SLC11A2: variants seen among roughly 807,000 people sequenced by gnomAD.
SLC11A2 encodes natural resistance-associated macrophage protein 2.
A neutral mutation model predicts 68.0 loss-of-function variants in SLC11A2; 38 were observed. The ratio of observed to expected loss-of-function variants is 0.56; its 90% CI spans 0.43 to 0.73. The LOEUF (loss-of-function observed/expected upper bound fraction) is 0.73. Among genes scored for constraint, SLC11A2 ranks in the 30% least tolerant of loss-of-function variants. The pLI, the probability that SLC11A2 is intolerant of heterozygous loss-of-function variation, is 0.00. For synonymous variants in SLC11A2, 242 were observed against 250.6 expected (o/e 0.97, Z 0.32); for missense variants, 517 against 690.5 (o/e 0.75, Z 2.82).
At chr12:51,006,928 G>A (rs532961317) in intron 3 of SLC11A2, among the ~76,000 whole-genome samples, 1 of 151,676 alleles carries the variant, frequency 6.6e-6, no homozygotes, top group South Asian at 2.1e-4. Context: ...TTTTTACTTG[G>A]AGACAAGGTC....
chr12:50,968,709 T>C, the SLC11A2 span, among the ~76,000 whole-genome samples: 9 of 151,890 alleles, frequency 5.9e-5, no homozygotes, highest in Admixed American at 1.3e-4. Context: ...ACCTGGCTAA[T>C]TTTTGTATTT....
In SLC11A2 at chr12:51,005,275, G is replaced by A. The variant is rs17216079; in HGVS notation, c.309+36C>T. 3.8e-4 allele frequency: 619 copies of A among 1,610,600 alleles called. 2 individuals are homozygous for A. The African/African-American group carries it at 7.5e-3, about 20-fold the overall frequency. ...AGAAAAGGATGTGAGAGTGTATTATGTGCTTAAAAGGACAGGGGTAGGACT... is the reference window on the plus strand; with the variant it reads ...AGAAAAGGATGTGAGAGTGTATTATATGCTTAAAAGGACAGGGGTAGGACT... On this transcript the variant is annotated intron_variant, in intron 4 of 15. Coordinates refer to ENST00000262052, the MANE Select transcript of SLC11A2 (RefSeq NM_000617.3).
chr12:50,964,271 A>T, the SLC11A2 span, among the ~76,000 whole-genome samples: 7 of 152,184 alleles, frequency 4.6e-5, no homozygotes, highest in African/African-American at 1.7e-4. Flanking sequence ...ATCTATATTC[A>T]TCCACTACAC....
chr12:50,959,589 C>T, the SLC11A2 span, among the ~76,000 whole-genome samples: 1 of 151,970 alleles, frequency 6.6e-6, no homozygotes. Flanking sequence ...ATAAGTTATA[C>T]TTATGGCATT....
the SLC11A2 span, among the ~76,000 whole-genome samples, chr12:50,963,549 GC>G: frequency 6.6e-6 from 1 of 151,982 alleles, no homozygotes; most frequent in South Asian, 2.1e-4. Flanking sequence ...AAATGCCAAT[GC>G]CTTTCATCCT....
At chr12:50,988,569 G>T in intron 15 of SLC11A2, 134 bp from the exon 16 acceptor site, 2 of 1,427,918 alleles carry the variant, frequency 1.4e-6, no homozygotes, top group Non-Finnish European at 9.5e-7. Context: ...ACCAAGGGTT[G>T]CACAAGTCAT....
In SLC11A2 at chr12:50,986,232, A is replaced by G. The variant is rs1940537745; in HGVS notation, c.*2093T>C. 7.8e-7 allele frequency: 1 copy of G among 1,283,512 alleles called. No homozygotes were observed. Among genetic ancestry groups the G allele is most frequent in the African/African-American group, 1.5e-5 (1 of 65,740 alleles). 79.5% of individuals were successfully genotyped at this position (1,283,512 alleles called of 1,614,324 possible). ...AATTGTATATCCTTAAACATTCCAC[A>G]TAAACACACTGTCAAAACTCACTGG... is the stretch of plus-strand genomic sequence containing the variant. On this transcript the variant is annotated 3_prime_UTR_variant, in exon 16 of 16. Transcript: ENST00000262052.
chr12:50,987,741 A>G lies in SLC11A2; in HGVS notation c.*584T>C. ...TTCTCACCCCTCTTAACTTCCACTGAGAAATTAAAGTGGAAATAAGTTCAA... is the reference window on the plus strand; with the variant it reads ...TTCTCACCCCTCTTAACTTCCACTGGGAAATTAAAGTGGAAATAAGTTCAA... On this transcript the variant is annotated 3_prime_UTR_variant, in exon 16 of 16. Transcript: ENST00000262052. The G allele has an allele frequency of 7.8e-7, 1 of 1,287,134 alleles. No homozygotes were observed. The highest frequency in any genetic ancestry group is 1.0e-6 in the Non-Finnish European group (1 of 988,652). 79.7% of individuals were successfully genotyped at this position (1,287,134 alleles called of 1,614,324 possible).
downstream of SLC11A2, among the ~76,000 whole-genome samples, chr12:50,975,612 C>G (rs1939837854): frequency 6.6e-6 from 1 of 151,950 alleles, no homozygotes; most frequent in Non-Finnish European, 1.5e-5. Context: ...CATTCAAAAG[C>G]TAGCAGAAGG....
chr12:50,999,462 A>G lies in SLC11A2; in HGVS notation c.537-47T>C, dbSNP rs2136237696. The G allele has an allele frequency of 3.6e-6, 5 of 1,389,372 alleles. No homozygotes were observed. The East Asian group carries it at 1.1e-4, about 32-fold the overall frequency. The allele number at this position is 1,389,372 out of a possible 1,614,324, so 86.1% of individuals were successfully genotyped here. The stretch of plus-strand genomic sequence containing the variant: ...GAAGTCAGAGAGACGGAAAGAAAGG[A>G]AACATTGAAAAACACTCTCTTCCCA... On this transcript the variant is annotated intron_variant, in intron 6 of 15. Coordinates refer to ENST00000262052, the MANE Select transcript of SLC11A2 (RefSeq NM_000617.3).
At chr12:50,989,560 C>G (rs2285228) in intron 15 of SLC11A2, among the ~76,000 whole-genome samples, 22,386 of 152,194 alleles carry the variant, frequency 0.15, 1,869 homozygotes, top group South Asian at 0.26. Context: ...AAACTGGCAT[C>G]TTCATATCCA....
chr12:51,024,982 T>C (rs1202425016), intron 1 of SLC11A2: 1 of 152,210 alleles, frequency 6.6e-6, no homozygotes, highest in Non-Finnish European at 1.5e-5. Context: ...AATGAAATAC[T>C]GTCCAATGAA....
intron 1 of SLC11A2, chr12:51,024,381 G>A (rs1168078031): frequency 6.6e-6 from 1 of 152,234 alleles, no homozygotes; most frequent in Non-Finnish European, 1.5e-5. Flanking sequence ...AGCAATGAAA[G>A]TCAAACAAGA....
downstream of SLC11A2, among the ~76,000 whole-genome samples, chr12:50,979,187 A>G (rs935070519): frequency 2.0e-5 from 3 of 152,210 alleles, no homozygotes; most frequent in Non-Finnish European, 2.9e-5. Flanking sequence ...TTAACTTAGA[A>G]AAAAGCTTAC....
At position 50,988,333 on chromosome 12, in the gene SLC11A2, C is replaced by A. The variant is rs369107866; in HGVS notation, c.1678G>T (p.Val560Phe). The change falls in exon 16 of 16, where the codon GTT (valine) becomes TTT (phenylalanine). Residue 560 changes from valine (V) to phenylalanine (F), a missense_variant. Val to Phe is a conservative substitution (Grantham distance 50). Transcript: ENST00000262052. ...LLTEEATRGY[V>F]K ...GACAGACTAATCCAGTGTTATTTAA[C>A]GTAGCCACGGGTGGCTTCTTCTGTC... 3 of 1,613,982 alleles carry A rather than the reference C, an allele frequency of 1.9e-6. No homozygotes were observed. In the East Asian group the frequency reaches 6.7e-5, roughly 36 times the overall value.
Position 50,988,138 on chromosome 12 carries a change from G to C in SLC11A2, c.*187C>G. The C allele has an allele frequency of 1.3e-6, 2 of 1,507,528 alleles. No homozygotes were observed. The highest frequency in any genetic ancestry group is 1.8e-6 in the Non-Finnish European group (2 of 1,129,364). The allele number at this position is 1,507,528 out of a possible 1,614,324, so 93.4% of individuals were successfully genotyped here. On this transcript the variant is annotated 3_prime_UTR_variant, in exon 16 of 16. Transcript: ENST00000262052. ...AGATCCCACCCTAATCCAGTTCTAAGGTTAGGTCAGGAAGGAAAAAATAAT... is the reference window on the plus strand; with the variant it reads ...AGATCCCACCCTAATCCAGTTCTAACGTTAGGTCAGGAAGGAAAAAATAAT...
chr12:50,994,104 A>G (rs1388811546), intron 11 of SLC11A2, among the ~76,000 whole-genome samples: 1 of 150,360 alleles, frequency 6.7e-6, no homozygotes, highest in Admixed American at 6.6e-5. Flanking sequence ...GCAGTGGCCC[A>G]ATCTCGGCTC....
downstream of SLC11A2, chr12:50,981,536 G>A: frequency 1.8e-6 from 1 of 544,710 alleles, no homozygotes. Flanking sequence ...TGACTGTTAT[G>A]AGGTGGGTGG....
At chr12:51,008,451 TCTC>T (rs993654265) in intron 3 of SLC11A2, 22 bp downstream of exon 3, 3 of 1,603,856 alleles carry the variant, frequency 1.9e-6, no homozygotes, top group African/African-American at 2.7e-5. Flanking sequence ...ACAATAGTGT[TCTC>T]CTCCAAGGAC....
Sources: allele counts gnomAD v4.1 joint callset (sites outside exome capture counted in the v4.1 genomes callset), GRCh38; gene constraint gnomAD v4.1.1; transcripts MANE v1.5; gene names NCBI Gene and HGNC (gene_info 2026-07-23, HGNC 2026-07-21).